Variants in CPEB4 observed in about 807,000 individuals in gnomAD.
CPEB4 encodes cytoplasmic polyadenylation element binding protein 4.
A neutral mutation model predicts 72.5 loss-of-function variants in CPEB4; 12 were observed. The observed-to-expected ratio is 0.17, with a 90% CI of 0.11 to 0.27. The LOEUF (loss-of-function observed/expected upper bound fraction) is 0.27, where lower values mean the gene tolerates loss of function less well. Ranked by LOEUF, CPEB4 falls within the 10% of genes least tolerant of loss-of-function variation. The probability of loss-of-function intolerance (pLI) is 1.00; values close to 1 mark genes in which losing one functional copy is unlikely to be tolerated. For missense variants in CPEB4, 614 were observed against 908.5 expected (o/e 0.68, Z 4.17); for synonymous variants, 302 against 326.3 (o/e 0.93, Z 0.80).
chr5:173,951,177 A>C (rs59755656), intron 7 of CPEB4, among the ~76,000 whole-genome samples: 1 of 151,988 alleles, frequency 6.6e-6, no homozygotes, highest in African/African-American at 2.4e-5. Flanking sequence ...GTTGGTGTGC[A>C]TATTTGGGAA....
At position 173,957,766 on chromosome 5, in the gene CPEB4, C is replaced by G. The variant is rs1758424875; in HGVS notation, c.*1629C>G. ...GATCCTTCAAAACCAAAGACTTGCC[C>G]CAGCACTGCTGTGGAACCACCTGGC... On this transcript the variant is annotated 3_prime_UTR_variant, in exon 10 of 10. Coordinates refer to ENST00000265085, the MANE Select transcript of CPEB4 (RefSeq NM_030627.4). 6.5e-6 allele frequency: 1 copy of G among 152,764 alleles called. No individual in the cohort carries two copies. The highest frequency in any genetic ancestry group is 2.1e-4 in the South Asian group (1 of 4,828). The allele number at this position is 152,764 out of a possible 1,614,324, so 9.5% of individuals were successfully genotyped here. A position where few individuals can be genotyped will look rare whatever the true frequency, so the allele number is the denominator to read the frequency against.
At chr5:173,934,448 C>T (rs2113244850) in intron 3 of CPEB4, among the ~76,000 whole-genome samples, 1 of 152,222 alleles carries the variant, frequency 6.6e-6, no homozygotes, top group Non-Finnish European at 1.5e-5. Context: ...AACTGAAAGA[C>T]ATGAAGATAA....
chr5:173,952,955 G>T, intron 8 of CPEB4, 136 bp from the exon 9 acceptor site: 1 of 688,284 alleles, frequency 1.5e-6, no homozygotes, highest in Admixed American at 2.5e-5. Context: ...ATGACTGGTT[G>T]TAGTAATGTT....
chr5:173,955,272 C>G lies in CPEB4; in HGVS notation c.1963-638C>G, dbSNP rs996631131. On this transcript the variant is annotated intron_variant, in intron 9 of 9. Coordinates refer to ENST00000265085, the MANE Select transcript of CPEB4 (RefSeq NM_030627.4). This position sits in a 1 kb window ranked among gnomAD's most constrained non-coding sequence, Gnocchi z 4.7. ...GAAATTCACCTCTGACTTTTAGACT[C>G]AGGTGAACCATTCTTACTGAGAAAG... Among the ~76,000 whole-genome samples, 10 of 152,104 alleles carry G rather than the reference C, an allele frequency of 6.6e-5. No homozygotes were observed. The highest frequency in any genetic ancestry group is 1.5e-4 in the Non-Finnish European group (10 of 68,026).
intron 5 of CPEB4, among the ~76,000 whole-genome samples, chr5:173,948,385 G>C (rs1458672885): frequency 6.6e-6 from 1 of 152,128 alleles, no homozygotes; most frequent in Non-Finnish European, 1.5e-5. Context: ...AGATTAACAT[G>C]CCCTCCAGGT....
At chr5:173,923,750 C>T (rs771636862) in intron 2 of CPEB4, among the ~76,000 whole-genome samples, 14 of 151,896 alleles carry the variant, frequency 9.2e-5, no homozygotes, top group Non-Finnish European at 1.8e-4. Flanking sequence ...AAAAACTACA[C>T]CTAGTTTTGC....
chr5:173,918,502 G>A (rs141103585), intron 2 of CPEB4, among the ~76,000 whole-genome samples: 22 of 152,234 alleles, frequency 1.4e-4, no homozygotes, highest in African/African-American at 4.1e-4. Flanking sequence ...TTATAAGGCG[G>A]GGAGGGTAAG....
chr5:173,936,670 T>A (rs2113251178), intron 3 of CPEB4, among the ~76,000 whole-genome samples: 1 of 152,338 alleles, frequency 6.6e-6, no homozygotes, highest in Non-Finnish European at 1.5e-5. Flanking sequence ...ATAGGCTAGT[T>A]ACCTCAAATT....
chr5:173,902,508 G>C (rs1756272247), intron 1 of CPEB4, among the ~76,000 whole-genome samples: 1 of 152,026 alleles, frequency 6.6e-6, no homozygotes, highest in South Asian at 2.1e-4. Context: ...GGTGGTGGTG[G>C]GTAGCATGGG....
chr5:173,944,942 G>A (rs372079399), intron 4 of CPEB4, 25 bp from the exon 5 acceptor site: 16 of 1,582,388 alleles, frequency 1.0e-5, no homozygotes, highest in African/African-American at 1.4e-5. Context: ...TTCTGTTACC[G>A]TTTTTTCCCT....
intron 2 of CPEB4, among the ~76,000 whole-genome samples, chr5:173,928,276 G>T (rs1161573567): frequency 6.6e-6 from 1 of 152,178 alleles, no homozygotes; most frequent in African/African-American, 2.4e-5. Context: ...GAACCCTAAT[G>T]TAAACTGTGA....
At chr5:173,946,068 C>G (rs1473263245) in intron 5 of CPEB4, among the ~76,000 whole-genome samples, 1 of 152,148 alleles carries the variant, frequency 6.6e-6, no homozygotes, top group Non-Finnish European at 1.5e-5. Flanking sequence ...GGTTTAATAT[C>G]TTCACATTTA....
At chr5:173,928,700 A>T (rs1034999773) in intron 2 of CPEB4, among the ~76,000 whole-genome samples, 1 of 152,208 alleles carries the variant, frequency 6.6e-6, no homozygotes, top group Non-Finnish European at 1.5e-5. Flanking sequence ...ACAGAAATAA[A>T]GGAAAAAGTA....
chr5:173,956,843 G>A lies in CPEB4; in HGVS notation c.*706G>A, dbSNP rs989262128. On this transcript the variant is annotated 3_prime_UTR_variant, in exon 10 of 10. Coordinates refer to ENST00000265085, the MANE Select transcript of CPEB4 (RefSeq NM_030627.4). ...GAAAAAATAAAAAAAAAATAGTAAA[G>A]TAGGCAGAGCTAGGTTTATTTTCTC... 4.6e-5 allele frequency: 7 copies of A among 152,218 alleles called. No individual in the cohort carries two copies. Among genetic ancestry groups the A allele is most frequent in the Non-Finnish European group, 7.4e-5 (5 of 67,950 alleles). The allele number at this position is 152,218 out of a possible 1,614,324, so 9.4% of individuals were successfully genotyped here. A position where few individuals can be genotyped will look rare whatever the true frequency, so the allele number is the denominator to read the frequency against.
rs543489487 is a variant in CPEB4 at position 173,898,913 on chromosome 5, G to T, written c.1125+8055G>T. Among the ~76,000 whole-genome samples, 12 of 152,274 alleles carry T rather than the reference G, an allele frequency of 7.9e-5. 1 individual carries two copies. In the East Asian group the frequency reaches 2.1e-3, roughly 27 times the overall value. On this transcript the variant is annotated intron_variant, in intron 1 of 9. Coordinates refer to ENST00000265085, the MANE Select transcript of CPEB4 (RefSeq NM_030627.4). Reference sequence around the variant, plus strand: ...ACTCTTGACCTCAGGTGATCCGCTCGCTTTGGCCTCCGGAAGTGCTGGGAT... The same window carrying T: ...ACTCTTGACCTCAGGTGATCCGCTCTCTTTGGCCTCCGGAAGTGCTGGGAT...
Position 173,956,390 on chromosome 5 carries a change from C to A in CPEB4, c.*253C>A, listed in dbSNP as rs908310984. The A allele has an allele frequency of 1.8e-5, 7 of 384,048 alleles. No individual in the cohort carries two copies. The highest frequency in any genetic ancestry group is 4.1e-5 in the African/African-American group (2 of 48,780). The allele number at this position is 384,048 out of a possible 1,614,324, so 23.8% of individuals were successfully genotyped here. On this transcript the variant is annotated 3_prime_UTR_variant, in exon 10 of 10. Coordinates refer to ENST00000265085, the MANE Select transcript of CPEB4 (RefSeq NM_030627.4). ...TTTATTCTCTTGTTTTGCTGGAAAC[C>A]AAGAGGATCCAAACTTCCTGCAACA... is the stretch of plus-strand genomic sequence containing the variant.
intron 8 of CPEB4, among the ~76,000 whole-genome samples, chr5:173,952,460 T>A (rs1395766188): frequency 6.6e-6 from 1 of 152,194 alleles, no homozygotes; most frequent in African/African-American, 2.4e-5. Context: ...CAAATTAAAT[T>A]CCTAACTTCA....
At position 173,900,353 on chromosome 5, in the gene CPEB4, C is replaced by T. The variant is rs932470885; in HGVS notation, c.1125+9495C>T. Among the ~76,000 whole-genome samples, 8 of 151,890 alleles carry T rather than the reference C, an allele frequency of 5.3e-5. No individual in the cohort carries two copies. Among genetic ancestry groups the T allele is most frequent in the Admixed American group, 2.0e-4 (3 of 15,246 alleles). On this transcript the variant is annotated intron_variant, in intron 1 of 9. Transcript: ENST00000265085. This position sits in a 1 kb window ranked among gnomAD's most constrained non-coding sequence, Gnocchi z 4.4. ...CCAGGAGGCAGAGGTTGCAGTGAGC[C>T]GAGATCGCGCCATTGCACTCCAGCC...
At chr5:173,927,049 G>T (rs1156584144) in intron 2 of CPEB4, among the ~76,000 whole-genome samples, 1 of 152,182 alleles carries the variant, frequency 6.6e-6, no homozygotes, top group African/African-American at 2.4e-5. Flanking sequence ...TACTCGGGAG[G>T]CTGAGGTGGG....
Sources: gnomAD v4.1 joint callset for allele counts (sites outside exome capture counted in the v4.1 genomes callset) on GRCh38, gnomAD v4.1.1 for gene constraint, Gnocchi (gnomAD v3.1) non-coding constraint, MANE v1.5 for transcripts, NCBI Gene and HGNC (gene_info 2026-07-23, HGNC 2026-07-21) for gene names.